The following ELMO1 variants were observed in gnomAD, a reference collection of about 807,000 sequenced individuals.
ELMO1 encodes engulfment and cell motility protein 1.
ELMO1 carries 26 observed loss-of-function variants against 98.9 expected under a neutral mutation model. That is an observed-to-expected ratio of 0.26 (90% CI 0.19 to 0.36). The LOEUF (loss-of-function observed/expected upper bound fraction) is 0.36, where lower values mean the gene tolerates loss of function less well. Ranked by LOEUF, ELMO1 falls within the 10% of genes least tolerant of loss-of-function variation. ELMO1 has a pLI of 1.00. For synonymous variants in ELMO1, 346 were observed against 346.0 expected, an observed-to-expected ratio of 1.00 and a Z score of 0.00; for missense variants, 627 against 935.2, an observed-to-expected ratio of 0.67 and a Z score of 4.30.
intron 1 of ELMO1, among the ~76,000 whole-genome samples, chr7:37,397,586 A>C (rs140888645): frequency 6.6e-6 from 1 of 152,332 alleles, no homozygotes; most frequent in Non-Finnish European, 1.5e-5. Flanking sequence ...ATCAAGATGG[A>C]CAATACGATT....
At chr7:37,295,432 A>G (rs1797980950) in intron 4 of ELMO1, among the ~76,000 whole-genome samples, 1 of 152,198 alleles carries the variant, frequency 6.6e-6, no homozygotes, top group African/African-American at 2.4e-5. Context: ...ATGAATTCTG[A>G]CTTTAAAAAA....
At chr7:36,985,897 CAT>C (rs1213285107) in intron 16 of ELMO1, 28 of 1,000,860 alleles carry the variant, frequency 2.8e-5, no homozygotes, top group Middle Eastern at 2.8e-4. Context: ...CCGGTGGACA[CAT>C]GTGTGAGACG....
At chr7:36,872,111 T>C (rs560262577) in intron 19 of ELMO1, among the ~76,000 whole-genome samples, 1 of 152,328 alleles carries the variant, frequency 6.6e-6, no homozygotes, top group South Asian at 2.1e-4. Context: ...GGTCATGTGA[T>C]TAATTTTAGC....
chr7:37,005,692 CAAAAAAAAAAAAAAAA>C (rs71553094), intron 16 of ELMO1, among the ~76,000 whole-genome samples: 1 of 37,496 alleles, frequency 2.7e-5, no homozygotes, highest in Non-Finnish European at 6.4e-5. Flanking sequence ...GACTCTGTCT[CAAAAAAAAAAAAAAAA>C]AAAAAAAAAA....
intron 4 of ELMO1, among the ~76,000 whole-genome samples, chr7:37,291,704 C>G (rs1464150070): frequency 6.6e-6 from 1 of 152,144 alleles, no homozygotes; most frequent in African/African-American, 2.4e-5. Flanking sequence ...CACCTGAGGT[C>G]AGGAGTTTGA....
intron 19 of ELMO1, among the ~76,000 whole-genome samples, chr7:36,872,789 A>C (rs575092551): frequency 1.3e-5 from 2 of 152,346 alleles, no homozygotes; most frequent in African/African-American, 4.8e-5. Context: ...ATAGTCAACA[A>C]ACTCATTCTA....
intron 1 of ELMO1, among the ~76,000 whole-genome samples, chr7:37,385,129 C>T (rs1008604479): frequency 2.0e-5 from 3 of 152,230 alleles, no homozygotes; most frequent in African/African-American, 7.2e-5. Flanking sequence ...GAAAAGTCCA[C>T]CTCTAGCTGA....
At chr7:36,929,375 G>A (rs903888860) in intron 16 of ELMO1, among the ~76,000 whole-genome samples, 2 of 152,168 alleles carry the variant, frequency 1.3e-5, no homozygotes, top group African/African-American at 4.8e-5. Flanking sequence ...TTCTGATGGA[G>A]TGCACACCAA....
chr7:37,145,506 G>C (rs1787924981), intron 13 of ELMO1, among the ~76,000 whole-genome samples: 1 of 152,186 alleles, frequency 6.6e-6, no homozygotes. Flanking sequence ...ATATGTATTA[G>C]CACCTCCGCA....
intron 15 of ELMO1, among the ~76,000 whole-genome samples, chr7:37,086,131 C>T (rs1339154124): frequency 6.6e-6 from 1 of 152,230 alleles, no homozygotes; most frequent in Non-Finnish European, 1.5e-5. Context: ...CACTCTGTGG[C>T]AGCAGAGTCC....
At chr7:36,892,269 C>G (rs753926003) in intron 17 of ELMO1, among the ~76,000 whole-genome samples, 49 of 152,214 alleles carry the variant, frequency 3.2e-4, no homozygotes, top group South Asian at 1.9e-3. Context: ...TGGTCAGGCC[C>G]CAGCCAAGTT....
At position 37,409,590 on chromosome 7, in the gene ELMO1, G is replaced by A. The variant is rs527300106; in HGVS notation, c.-74+39085C>T. On this transcript the variant is annotated intron_variant, in intron 1 of 21. Transcript: ENST00000310758. ...GGAAAGTTGAGGCTAATTGTTAGATGGGAACTCAGCCAGGCCCGTGGGCCA... is the reference window on the plus strand; with the variant it reads ...GGAAAGTTGAGGCTAATTGTTAGATAGGAACTCAGCCAGGCCCGTGGGCCA... Among the ~76,000 whole-genome samples, 10 of 152,282 alleles carry A rather than the reference G, an allele frequency of 6.6e-5. No homozygotes were observed. The South Asian group carries it at 1.0e-3, about 16-fold the overall frequency.
At chr7:37,039,646 C>T (rs1795388487) in intron 15 of ELMO1, among the ~76,000 whole-genome samples, 1 of 152,178 alleles carries the variant, frequency 6.6e-6, no homozygotes, top group Non-Finnish European at 1.5e-5. Context: ...TCAGTCTGCA[C>T]CTTCTCCTCA....
chr7:36,916,606 T>C (rs1784709008), intron 16 of ELMO1, among the ~76,000 whole-genome samples: 1 of 152,234 alleles, frequency 6.6e-6, no homozygotes, highest in African/African-American at 2.4e-5. Context: ...CCTTTTCCAA[T>C]AGATTTTACT....
chr7:37,405,932 T>C (rs1467928698), intron 1 of ELMO1, among the ~76,000 whole-genome samples: 2 of 152,282 alleles, frequency 1.3e-5, no homozygotes, highest in South Asian at 2.1e-4. Context: ...GGAGAACCCA[T>C]CCTAATATGG....
In ELMO1 at chr7:36,913,520, G is replaced by A. The variant is rs146119181; in HGVS notation, c.1438-18503C>T. Among the ~76,000 whole-genome samples, 289 of 152,344 alleles carry A rather than the reference G, an allele frequency of 1.9e-3. 2 individuals carry two copies. The highest frequency in any genetic ancestry group is 6.8e-3 in the Middle Eastern group (2 of 294). On this transcript the variant is annotated intron_variant, in intron 16 of 21. Coordinates refer to ENST00000310758, the MANE Select transcript of ELMO1 (RefSeq NM_014800.11). ...AGCCGAGGATACAGTGGAAGATCAAGTGTGTGTTCAACATTCTTACTGTCC... is the reference window on the plus strand; with the variant it reads ...AGCCGAGGATACAGTGGAAGATCAAATGTGTGTTCAACATTCTTACTGTCC...
In ELMO1 at chr7:37,259,285, G is replaced by T; in HGVS notation, c.309C>A (p.Ala103=). The change falls in exon 6 of 22, where the codon GCC becomes GCA. Residue 103 remains alanine (A), a synonymous_variant. Coordinates refer to ENST00000310758, the MANE Select transcript of ELMO1 (RefSeq NM_014800.11). ...GGGAGAGGCTGGCCAAGTCCTTCAG[G>T]GCTTCCAGCTTGGCATCCATACTCG... ...QSSSMDAKLE[A]LKDLASLSRD... 1 of 1,614,098 alleles carries T rather than the reference G, an allele frequency of 6.2e-7. No homozygotes were observed. The highest frequency in any genetic ancestry group is 1.3e-5 in the African/African-American group (1 of 75,022).
At chr7:37,031,764 C>A (rs1392842136) in intron 15 of ELMO1, among the ~76,000 whole-genome samples, 2 of 152,164 alleles carry the variant, frequency 1.3e-5, no homozygotes, top group African/African-American at 4.8e-5. Flanking sequence ...GTGAAGCAGG[C>A]CTTACCCAAT....
chr7:37,162,938 G>C (rs972459742), intron 13 of ELMO1, among the ~76,000 whole-genome samples: 2 of 152,100 alleles, frequency 1.3e-5, no homozygotes, highest in African/African-American at 4.8e-5. Context: ...AAAAGTTAAA[G>C]AAGTTCTCCT....
Sources: gnomAD v4.1 joint callset for allele counts (sites outside exome capture counted in the v4.1 genomes callset) on GRCh38, gnomAD v4.1.1 for gene constraint, MANE v1.5 for transcripts, NCBI Gene and HGNC (gene_info 2026-07-23, HGNC 2026-07-21) for gene names.